The following MACROD2 variants were observed in gnomAD, a reference collection of about 807,000 sequenced individuals.
MACROD2 encodes the protein ADP-ribose glycohydrolase MACROD2.
A neutral mutation model predicts 70.4 loss-of-function variants in MACROD2; 36 were observed. The ratio of observed to expected loss-of-function variants is 0.51; its 90% CI spans 0.39 to 0.68. The LOEUF (loss-of-function observed/expected upper bound fraction) is 0.68, where lower values mean the gene tolerates loss of function less well. MACROD2 is among the 30% of genes least tolerant of loss of function. The pLI, the probability that MACROD2 is intolerant of heterozygous loss-of-function variation, is 0.00. For missense variants in MACROD2, 496 were observed against 538.4 expected, an observed-to-expected ratio of 0.92 and a Z score of 0.78; for synonymous variants, 172 against 178.8, an observed-to-expected ratio of 0.96 and a Z score of 0.30.
Position 15,479,342 on chromosome 20 carries a change from G to A in MACROD2, c.572-20432G>A, listed in dbSNP as rs369113703. ...GGCTGGAGTGCAGTGGCGGGATCTC[G>A]GCTCACTGCAAGCTCCGCCTCCCGG... is the stretch of plus-strand genomic sequence containing the variant. On this transcript the variant is annotated intron_variant, in intron 7 of 17. Coordinates refer to ENST00000684519, the MANE Select transcript of MACROD2 (RefSeq NM_001351661.2). 8.3e-4 allele frequency among the ~76,000 whole-genome samples: 115 copies of A among 137,984 alleles called. 2 individuals are homozygous for A. The highest frequency in any genetic ancestry group is 2.4e-3 in the African/African-American group (87 of 35,562). The allele number at this position is 137,984 out of a possible 152,430, so 90.5% of individuals were successfully genotyped here. A position where few individuals can be genotyped will look rare whatever the true frequency, so the allele number is the denominator to read the frequency against.
chr20:15,898,205 G>T (rs184254271), intron 10 of MACROD2, among the ~76,000 whole-genome samples: 2 of 152,142 alleles, frequency 1.3e-5, no homozygotes, highest in East Asian at 3.9e-4. Context: ...CACACGTGTG[G>T]CTCATTCAAA....
intron 4 of MACROD2, among the ~76,000 whole-genome samples, chr20:14,509,741 T>C (rs1259196440): frequency 2.0e-5 from 3 of 151,946 alleles, no homozygotes; most frequent in Non-Finnish European, 4.4e-5. Flanking sequence ...ACATTATAAA[T>C]AGTAAACAAA....
intron 3 of MACROD2, among the ~76,000 whole-genome samples, chr20:14,113,496 C>T (rs1435564193): frequency 6.6e-6 from 1 of 152,160 alleles, no homozygotes; most frequent in Non-Finnish European, 1.5e-5. Flanking sequence ...CTACATCTCT[C>T]TACATAAATA....
intron 6 of MACROD2, among the ~76,000 whole-genome samples, chr20:15,367,271 C>CT (rs2045424450): frequency 6.6e-6 from 1 of 152,160 alleles, no homozygotes; most frequent in Non-Finnish European, 1.5e-5. Context: ...TGTGATCCGC[C>CT]TGCCTTAGCC....
chr20:14,878,585 A>G (rs1847099048), intron 5 of MACROD2, among the ~76,000 whole-genome samples: 1 of 152,180 alleles, frequency 6.6e-6, no homozygotes, highest in South Asian at 2.1e-4. Context: ...CCATGAACAC[A>G]TATCATTTGC....
intron 5 of MACROD2, among the ~76,000 whole-genome samples, chr20:14,831,698 T>G (rs1845942636): frequency 7.4e-6 from 1 of 135,242 alleles, no homozygotes; most frequent in Admixed American, 9.1e-5. Context: ...GAGAATCGCT[T>G]GAACCGGGAA....
intron 5 of MACROD2, among the ~76,000 whole-genome samples, chr20:14,785,253 A>G (rs2072354265): frequency 6.6e-6 from 1 of 151,918 alleles, no homozygotes; most frequent in Non-Finnish European, 1.5e-5. Flanking sequence ...GACTCTGAAC[A>G]CTGCTCCAGG....
chr20:15,173,061 T>C lies in MACROD2; in HGVS notation c.419-56879T>C, dbSNP rs1041567473. Among the ~76,000 whole-genome samples the C allele has an allele frequency of 3.3e-5, 5 of 152,174 alleles. No individual in the cohort carries two copies. In the East Asian group the frequency reaches 5.8e-4, roughly 18 times the overall value. Reference sequence around the variant, plus strand: ...AACTGTGTGTGTGCCTGTGTGCGTGTGTGTTTGTGTGGGTCTGTGTGTTAA... The same window carrying C: ...AACTGTGTGTGTGCCTGTGTGCGTGCGTGTTTGTGTGGGTCTGTGTGTTAA... On this transcript the variant is annotated intron_variant, in intron 5 of 17. Coordinates refer to ENST00000684519, the MANE Select transcript of MACROD2 (RefSeq NM_001351661.2).
At chr20:15,953,584 A>C (rs780188700) in intron 12 of MACROD2, among the ~76,000 whole-genome samples, 54 of 152,320 alleles carry the variant, frequency 3.5e-4, no homozygotes, top group Non-Finnish European at 6.2e-4. Flanking sequence ...GCTTTTTTGA[A>C]TCTCAGCTAA....
chr20:14,954,817 AT>A (rs1419426065), intron 5 of MACROD2, among the ~76,000 whole-genome samples: 22 of 14,256 alleles, frequency 1.5e-3, no homozygotes, highest in African/African-American at 3.6e-3. Context: ...TTTATATAAT[AT>A]AAATTATAAA....
intron 8 of MACROD2, among the ~76,000 whole-genome samples, chr20:15,780,709 G>A (rs1697402484): frequency 6.6e-6 from 1 of 152,086 alleles, no homozygotes; most frequent in Non-Finnish European, 1.5e-5. Context: ...TTCTGTAGTT[G>A]TTTACAAAGT....
chr20:14,578,234 T>G lies in MACROD2; in HGVS notation c.301+84726T>G, dbSNP rs61336513. 1.3e-3 allele frequency among the ~76,000 whole-genome samples: 201 copies of G among 151,824 alleles called. 1 individual carries two copies. The highest frequency in any genetic ancestry group is 4.5e-3 in the African/African-American group (186 of 41,478). ...AATTGAGAAAAAATTTAGTTCATGT[T>G]CAAATACAACATAAAAATAATAAAT... is the stretch of plus-strand genomic sequence containing the variant. On this transcript the variant is annotated intron_variant, in intron 4 of 17. Transcript: ENST00000684519.
At chr20:14,694,074 A>G (rs1325378347) in intron 5 of MACROD2, among the ~76,000 whole-genome samples, 2 of 152,194 alleles carry the variant, frequency 1.3e-5, no homozygotes, top group Non-Finnish European at 2.9e-5. Flanking sequence ...GAGGATGCTA[A>G]TGAACAAGTC....
intron 8 of MACROD2, among the ~76,000 whole-genome samples, chr20:15,706,928 G>A (rs1204830188): frequency 1.3e-5 from 2 of 152,196 alleles, no homozygotes; most frequent in African/African-American, 4.8e-5. Context: ...GATGTTACAA[G>A]TCCAGATTGG....
At chr20:15,533,653 G>A (rs982194582) in intron 8 of MACROD2, among the ~76,000 whole-genome samples, 1 of 151,752 alleles carries the variant, frequency 6.6e-6, no homozygotes, top group African/African-American at 2.4e-5. Flanking sequence ...GGAAGAAAAG[G>A]AAGCATCCTG....
chr20:14,320,366 G>A (rs751559264), intron 3 of MACROD2, among the ~76,000 whole-genome samples: 12 of 152,064 alleles, frequency 7.9e-5, no homozygotes, highest in Non-Finnish European at 8.8e-5. Context: ...CTGCATAGCC[G>A]TCTAACTTGT....
chr20:14,021,416 C>A (rs1356985330), intron 2 of MACROD2, among the ~76,000 whole-genome samples: 1 of 152,182 alleles, frequency 6.6e-6, no homozygotes, highest in Non-Finnish European at 1.5e-5. Flanking sequence ...GCAGGGCCTG[C>A]TGCTCTTTTT....
chr20:14,918,617 GTT>G (rs201821065), intron 5 of MACROD2, among the ~76,000 whole-genome samples: 1,579 of 127,808 alleles, frequency 0.012, 27 homozygotes, highest in East Asian at 0.061. Flanking sequence ...TGTTTTTTTT[GTT>G]TTTTTTTTTT....
chr20:14,830,049 C>A (rs1404997938), intron 5 of MACROD2, among the ~76,000 whole-genome samples: 1 of 151,916 alleles, frequency 6.6e-6, no homozygotes, highest in Non-Finnish European at 1.5e-5. Context: ...GTTTCTTTAT[C>A]CAAAGAAAAA....
Sources: allele counts gnomAD v4.1 joint callset (sites outside exome capture counted in the v4.1 genomes callset), GRCh38; gene constraint gnomAD v4.1.1; transcripts MANE v1.5; gene names NCBI Gene and HGNC (gene_info 2026-07-23, HGNC 2026-07-21).